Variants in SDSL observed in about 807,000 individuals in gnomAD.
SDSL encodes the protein serine dehydratase-like.
In SDSL, 26 loss-of-function variants were observed where a neutral mutation model predicts 27.6. The observed-to-expected ratio is 0.94, with a 90% CI of 0.69 to 1.31. The LOEUF is 1.31. Among genes scored for constraint, SDSL ranks in the 50% most tolerant of loss-of-function variants. The pLI, the probability that SDSL is intolerant of heterozygous loss-of-function variation, is 0.00. For synonymous variants in SDSL, 196 were observed against 180.6 expected (o/e 1.09, Z -0.69); for missense variants, 431 against 423.5 (o/e 1.02, Z -0.16).
At chr12:113,429,442 G>T in intron 4 of SDSL, 143 bp downstream of exon 4, 4 of 953,186 alleles carry the variant, frequency 4.2e-6, no homozygotes. Flanking sequence ...GAGCTGAGGG[G>T]GGAATGAGGT....
chr12:113,426,150 C>G (rs1043681074), intron 1 of SDSL: 9 of 455,834 alleles, frequency 2.0e-5, no homozygotes, highest in South Asian at 1.4e-4. Context: ...CTACCCTCAC[C>G]TCCTGCCCCA....
chr12:113,435,030 G>C (rs919772910), intron 5 of SDSL, among the ~76,000 whole-genome samples: 1 of 152,190 alleles, frequency 6.6e-6, no homozygotes, highest in Non-Finnish European at 1.5e-5. Flanking sequence ...CAGGAGAATC[G>C]CTTGAATCCA....
chr12:113,432,273 TTTCTTTC>T lies in SDSL; in HGVS notation c.355-1858_355-1852del, dbSNP rs1157574518. Among the ~76,000 whole-genome samples, 17 of 133,768 alleles carry T rather than the reference TTTCTTTC, an allele frequency of 1.3e-4. No individual in the cohort carries two copies. In the South Asian group the frequency reaches 4.1e-3, roughly 33 times the overall value. The allele number at this position is 133,768 out of a possible 152,430, so 87.8% of individuals were successfully genotyped here. On this transcript the variant is annotated intron_variant, in intron 4 of 7. Coordinates refer to ENST00000403593, the MANE Select transcript of SDSL (RefSeq NM_001304993.2). ...CTTTCTTTCTTTCTTTCTTTCTTTC[TTTCTTTC>T]TTTCTTTCTTTCTCTCTCTCTCTTT... is the stretch of plus-strand genomic sequence containing the variant.
At chr12:113,431,144 A>G (rs1008952204) in intron 4 of SDSL, among the ~76,000 whole-genome samples, 2 of 152,200 alleles carry the variant, frequency 1.3e-5, no homozygotes, top group African/African-American at 4.8e-5. Flanking sequence ...CTGTGGGTGA[A>G]GGTGTGGCGT....
At position 113,428,130 on chromosome 12, in the gene SDSL, C is replaced by G; in HGVS notation, c.148C>G (p.Arg50Gly). 1 of 1,612,516 alleles carries G rather than the reference C, an allele frequency of 6.2e-7. No individual in the cohort carries two copies. The highest frequency in any genetic ancestry group is 2.2e-5 in the East Asian group (1 of 44,852). ...GCAGCCCAGCGGCTCCTTCAAGATTCGGGGCATTGGGCATTTCTGCCAGGA... is the reference window on the plus strand; with the variant it reads ...GCAGCCCAGCGGCTCCTTCAAGATTGGGGGCATTGGGCATTTCTGCCAGGA... ...NVQPSGSFKIRGIGHFCQEMA... is the reference protein window; with the variant it reads ...NVQPSGSFKIGGIGHFCQEMA... Residue 50 changes from arginine (R) to glycine (G), a missense_variant, in exon 2 of 8, where the codon CGG (arginine) becomes GGG (glycine). By Grantham distance (125) the Arg-to-Gly change is moderately radical. Coordinates refer to ENST00000403593, the MANE Select transcript of SDSL (RefSeq NM_001304993.2).
At chr12:113,430,891 G>C (rs1326216228) in intron 4 of SDSL, among the ~76,000 whole-genome samples, 1 of 152,210 alleles carries the variant, frequency 6.6e-6, no homozygotes, top group Admixed American at 6.5e-5. Flanking sequence ...AACATAGTAA[G>C]AGCATGTCTC....
At chr12:113,432,274 T>TTCTTTCTTTCTCTC (rs1957940524) in intron 4 of SDSL, among the ~76,000 whole-genome samples, 1 of 89,306 alleles carries the variant, frequency 1.1e-5, no homozygotes, top group African/African-American at 4.1e-5. Context: ...CTTTCTTTCT[T>TTCTTTCTTTCTCTC]TCTTTCTTTC....
Position 113,436,738 on chromosome 12 carries a change from C to T in SDSL, c.672-13C>T. 1 of 1,593,512 alleles carries T rather than the reference C, an allele frequency of 6.3e-7. No individual in the cohort carries two copies. The highest frequency in any genetic ancestry group is 8.5e-7 in the Non-Finnish European group (1 of 1,173,768). On this transcript the variant is annotated splice_polypyrimidine_tract_variant and intron_variant, in intron 6 of 7. Transcript: ENST00000403593. Reference sequence around the variant, plus strand: ...CCCCTGGTCTCCCTGCCCCACCCTGCTCTATCCTGCAGTGTGGCCAAGAGC... The same window carrying T: ...CCCCTGGTCTCCCTGCCCCACCCTGTTCTATCCTGCAGTGTGGCCAAGAGC...
chr12:113,434,010 TC>T (rs1452552268), intron 4 of SDSL, 123 bp from the exon 5 acceptor site: 3 of 696,778 alleles, frequency 4.3e-6, no homozygotes, highest in Non-Finnish European at 7.2e-6. Context: ...AGGTATGGTC[TC>T]ATCTGCAGGG....
chr12:113,429,068 C>T (rs757607621), intron 3 of SDSL, 92 bp from the exon 4 acceptor site: 61 of 1,452,004 alleles, frequency 4.2e-5, no homozygotes, highest in Middle Eastern at 2.5e-4. Flanking sequence ...ATGTTGGGGA[C>T]GAGTGACTCT....
At chr12:113,437,199 C>T in intron 7 of SDSL, 1 of 184,598 alleles carries the variant, frequency 5.4e-6, no homozygotes, top group Non-Finnish European at 1.1e-5. Context: ...TCACCCCACG[C>T]TGCCTGGGTT....
rs1481508985 is a variant in SDSL, at chr12:113,438,062, C to T, written c.973C>T (p.His325Tyr). ...CCGAGAGCTGCAGGCTTTGAAAACC[C>T]ACCTGGGCCAGGTCTGAGGGGTCCC... ...NSRELQALKT[H>Y]LGQV Residue 325 changes from histidine (H) to tyrosine (Y), a missense_variant, in exon 8 of 8, where the codon CAC becomes TAC. Transcript: ENST00000403593. 1.9e-6 allele frequency: 3 copies of T among 1,613,848 alleles called. No individual in the cohort carries two copies. Among genetic ancestry groups the T allele is most frequent in the Admixed American group, 3.3e-5 (2 of 59,990 alleles).
chr12:113,428,455 C>T lies in SDSL; in HGVS notation c.210C>T (p.Ser70=). 1 of 1,612,160 alleles carries T rather than the reference C, an allele frequency of 6.2e-7. No homozygotes were observed. The highest frequency in any genetic ancestry group is 1.7e-5 in the Admixed American group (1 of 59,748). The change falls in exon 3 of 8, where the codon TCC becomes TCT. Residue 70 remains serine (S), a synonymous_variant. Transcript: ENST00000403593. ...AKKGCRHLVC[S]SGGNAGIAAA... is the part of the protein sequence containing the mutation. The stretch of plus-strand genomic sequence containing the variant: ...AGGGATGCAGACACCTGGTGTGCTC[C>T]TCAGGTGACCCCACCTTTTTTTGTT...
intron 1 of SDSL, among the ~76,000 whole-genome samples, chr12:113,427,464 A>T (rs1957862869): frequency 6.6e-6 from 1 of 152,370 alleles, no homozygotes; most frequent in Non-Finnish European, 1.5e-5. Flanking sequence ...TACATTTTCC[A>T]TAACAAACGT....
intron 4 of SDSL, 89 bp from the exon 5 acceptor site, chr12:113,434,045 G>A (rs1199411322): frequency 1.8e-6 from 2 of 1,087,384 alleles, no homozygotes; most frequent in Non-Finnish European, 1.4e-6. Flanking sequence ...ACTAGATCCT[G>A]GGGCCACCAA....
chr12:113,422,616 T>G (rs7298872), intron 1 of SDSL, 139 bp downstream of exon 1: 12,883 of 152,324 alleles, frequency 0.085, 963 homozygotes, highest in African/African-American at 0.2. Flanking sequence ...CCTGAGCGTG[T>G]TCTAGGCCCT....
chr12:113,429,982 C>T (rs1957900619), intron 4 of SDSL, among the ~76,000 whole-genome samples: 1 of 149,184 alleles, frequency 6.7e-6, no homozygotes, highest in Non-Finnish European at 1.5e-5. Flanking sequence ...TCCCTCCCTC[C>T]CTCCTTCCCT....
At position 113,436,477 on chromosome 12, in the gene SDSL, G is replaced by A. The variant is rs569500328; in HGVS notation, c.672-274G>A. Among the ~76,000 whole-genome samples, 21 of 152,172 alleles carry A rather than the reference G, an allele frequency of 1.4e-4. No homozygotes were observed. In the South Asian group the frequency reaches 3.3e-3, roughly 24 times the overall value. ...ATAATTTTGTATTTTTAGTAGAGAC[G>A]GGGTTTCACCATGTTGGTCAGGCTG... On this transcript the variant is annotated intron_variant, in intron 6 of 7. Transcript: ENST00000403593.
intron 4 of SDSL, among the ~76,000 whole-genome samples, chr12:113,431,188 G>A (rs766828799): frequency 3.9e-5 from 6 of 152,350 alleles, no homozygotes; most frequent in African/African-American, 9.6e-5. Context: ...TGAGCCCAGC[G>A]TCAGGGAGGG....
Sources: gnomAD v4.1 joint callset for allele counts (sites outside exome capture counted in the v4.1 genomes callset) on GRCh38, gnomAD v4.1.1 for gene constraint, MANE v1.5 for transcripts, NCBI Gene and HGNC (gene_info 2026-07-23, HGNC 2026-07-21) for gene names.